Variants in LPA observed in about 807,000 individuals in gnomAD.
LPA encodes lipoprotein(a), also known as apolipoprotein(a).
In LPA, 199 loss-of-function variants were observed where a neutral mutation model predicts 197.9. The observed-to-expected ratio is 1.01, with a 90% CI of 0.90 to 1.13. The LOEUF is 1.13. Among genes scored for constraint, LPA ranks in the 50% most tolerant of loss-of-function variants. The pLI is 0.00. For missense variants in LPA, 1,853 were observed against 1,785.8 expected, an observed-to-expected ratio of 1.04 and a Z score of -0.68; for synonymous variants, 715 against 639.5, an observed-to-expected ratio of 1.12 and a Z score of -1.78.
intron 34 of LPA, 123 bp from the exon 35 acceptor site, chr6:160,541,304 C>A: frequency 1.3e-6 from 1 of 761,394 alleles, no homozygotes; most frequent in East Asian, 2.6e-5. Flanking sequence ...AAGCAAAGGA[C>A]TACCGCCCAA....
At chr6:160,532,828 T>C (rs547097504) in intron 37 of LPA, among the ~76,000 whole-genome samples, 179 bp from the exon 38 acceptor site, 11 of 152,264 alleles carry the variant, frequency 7.2e-5, no homozygotes, top group African/African-American at 2.6e-4. Flanking sequence ...TCATATAAGA[T>C]TTTATGTTCC....
chr6:160,648,578 T>C (rs1464951206), intron 2 of LPA, among the ~76,000 whole-genome samples: 1 of 152,038 alleles, frequency 6.6e-6, no homozygotes, highest in Non-Finnish European at 1.5e-5. Context: ...GTTTGTAAGC[T>C]TATACATGTT....
intron 7 of LPA, among the ~76,000 whole-genome samples, chr6:160,634,752 C>G (rs532065092): frequency 6.6e-6 from 1 of 151,864 alleles, no homozygotes; most frequent in African/African-American, 2.4e-5. Context: ...GAAGATTGCA[C>G]TGACTGCTGG....
At chr6:160,603,233 G>GGTGTGTGTGTGT (rs72482597) in intron 18 of LPA, among the ~76,000 whole-genome samples, 10,477 of 144,676 alleles carry the variant, frequency 0.072, 488 homozygotes, top group Non-Finnish European at 0.1. Flanking sequence ...TATTTGTGGA[G>GGTGTGTGTGTGT]GTGTGTGTGT....
intron 26 of LPA, among the ~76,000 whole-genome samples, chr6:160,583,765 A>G (rs189945169): frequency 0.043 from 6,163 of 141,682 alleles, 400 homozygotes; most frequent in African/African-American, 0.18. Flanking sequence ...TTTATTAGTA[A>G]ACAAAACTCC....
At chr6:160,553,954 T>TGTGTGTGTGCGCGCGCGCGCGC (rs771903485) in intron 30 of LPA, among the ~76,000 whole-genome samples, 1 of 130,748 alleles carries the variant, frequency 7.6e-6, no homozygotes, top group Admixed American at 7.4e-5. Context: ...TGTGTGTGTG[T>TGTGTGTGTGCGCGCGCGCGCGC]GCGCGCGCGC....
Position 160,635,819 on chromosome 6 carries a change from CCTCACA to C in LPA, c.894-521_894-516del, listed in dbSNP as rs1396909851. Reference sequence around the variant, plus strand: ...AGGAGGATAGCCGTTCCAGGTCAACCCTCACACTCTATGTACTCAATACGTAGTGAA... The same window carrying C: ...AGGAGGATAGCCGTTCCAGGTCAACCCTCTATGTACTCAATACGTAGTGAA... On this transcript the variant is annotated intron_variant, in intron 6 of 38. Transcript: ENST00000316300. Among the ~76,000 whole-genome samples the C allele has an allele frequency of 2.8e-4, 26 of 91,334 alleles. No homozygotes were observed. In the South Asian group the frequency reaches 8.2e-3, roughly 29 times the overall value. 59.9% of individuals were successfully genotyped at this position (91,334 alleles called of 152,430 possible).
At chr6:160,576,378 A>ATG (rs1562327936) in intron 28 of LPA, among the ~76,000 whole-genome samples, 47 of 64,944 alleles carry the variant, frequency 7.2e-4, no homozygotes, top group African/African-American at 3.8e-3. Context: ...ATATATATAT[A>ATG]TATATATATA....
intron 1 of LPA, among the ~76,000 whole-genome samples, chr6:160,657,695 C>T (rs1430202138): frequency 6.6e-6 from 1 of 152,162 alleles, no homozygotes; most frequent in African/African-American, 2.4e-5. Flanking sequence ...CTGCTCCCGG[C>T]CCTATCAGAA....
chr6:160,590,888 C>T, intron 23 of LPA, 56 bp downstream of exon 23: 1 of 1,610,208 alleles, frequency 6.2e-7, no homozygotes, highest in South Asian at 1.1e-5. Context: ...TAAGATTTTG[C>T]AACTCTTTTT....
At chr6:160,651,696 AAGAC>A (rs1207773160) in intron 1 of LPA, among the ~76,000 whole-genome samples, 7 of 152,198 alleles carry the variant, frequency 4.6e-5, no homozygotes, top group Admixed American at 3.9e-4. Flanking sequence ...TAAAGCAATC[AAGAC>A]AGACAGACTC....
At position 160,545,519 on chromosome 6, in the gene LPA, A is replaced by G. The variant is rs780057189; in HGVS notation, c.5319T>C (p.Pro1773=). 1.5e-5 allele frequency: 24 copies of G among 1,612,678 alleles called. No homozygotes were observed. The highest frequency in any genetic ancestry group is 2.0e-5 in the Non-Finnish European group (24 of 1,178,822). Residue 1773 remains proline, a synonymous_variant, in exon 33 of 39, where the codon CCT becomes CCC. Coordinates refer to ENST00000316300, the MANE Select transcript of LPA (RefSeq NM_005577.4). ...ACCAGGGACCATTGATGTCACCATCAGGGTTACGGCAGTACTGAAAACAAG... is the reference window on the plus strand; with the variant it reads ...ACCAGGGACCATTGATGTCACCATCGGGGTTACGGCAGTACTGAAAACAAG... ...AGLEKNYCRN[P]DGDINGPWCY... is the part of the protein sequence containing the mutation.
chr6:160,634,675 T>A (rs546313895), intron 7 of LPA, among the ~76,000 whole-genome samples: 11 of 151,766 alleles, frequency 7.2e-5, no homozygotes, highest in African/African-American at 2.7e-4. Flanking sequence ...ATGGAATTAA[T>A]GCAGCCCTGT....
intron 26 of LPA, among the ~76,000 whole-genome samples, chr6:160,579,898 A>G (rs1015956387): frequency 2.0e-5 from 3 of 152,214 alleles, no homozygotes; most frequent in Non-Finnish European, 2.9e-5. Flanking sequence ...ATATTTTCAC[A>G]TAGAGTGAGA....
chr6:160,606,122 G>A (rs1779344490), intron 17 of LPA, among the ~76,000 whole-genome samples: 1 of 152,200 alleles, frequency 6.6e-6, no homozygotes, highest in South Asian at 2.1e-4. Flanking sequence ...CTGGCTAATT[G>A]AAGAAGTCCC....
chr6:160,605,156 T>C lies in LPA; in HGVS notation c.2835A>G (p.Gly945=), dbSNP rs777031095. Residue 945 remains glycine, a synonymous_variant, in exon 18 of 39, where the codon GGA becomes GGG. Coordinates refer to ENST00000316300, the MANE Select transcript of LPA (RefSeq NM_005577.4). ...TGAAGTATGTGCCTTGATAACTCTG[T>C]CCATTTCCGTGGTAGCACTCCTGCA... ...PGVQECYHGN[G]QSYQGTYFIT... The C allele has an allele frequency of 5.0e-6, 8 of 1,613,896 alleles. No homozygotes were observed. Among genetic ancestry groups the C allele is most frequent in the Admixed American group, 3.3e-5 (2 of 60,000 alleles).
intron 2 of LPA, among the ~76,000 whole-genome samples, chr6:160,647,514 G>T (rs1779918084): frequency 6.6e-6 from 1 of 152,156 alleles, no homozygotes; most frequent in African/African-American, 2.4e-5. Flanking sequence ...CATTCAATGA[G>T]CAACTGGATG....
At position 160,664,224 on chromosome 6, in the gene LPA, G is replaced by A; in HGVS notation, c.-10C>T. On this transcript the variant is annotated 5_prime_UTR_variant, in exon 1 of 39. Transcript: ENST00000316300. ...CTTCCTTATGTTCCATTTTGGGACT[G>A]GCCAGCAGTGCCCAGAAAGTGTGTC... The A allele has an allele frequency of 3.1e-6, 5 of 1,605,596 alleles. No individual in the cohort carries two copies. The highest frequency in any genetic ancestry group is 2.3e-4 in the Middle Eastern group (1 of 4,424).
At chr6:160,606,940 G>T (rs529888591) in intron 16 of LPA, among the ~76,000 whole-genome samples, 1 of 152,176 alleles carries the variant, frequency 6.6e-6, no homozygotes, top group Non-Finnish European at 1.5e-5. Context: ...AACGATCAGA[G>T]TATTCTCCTT....
Sources: allele counts gnomAD v4.1 joint callset (sites outside exome capture counted in the v4.1 genomes callset), GRCh38; gene constraint gnomAD v4.1.1; transcripts MANE v1.5; gene names NCBI Gene and HGNC (gene_info 2026-07-23, HGNC 2026-07-21).